STK39: variants seen among roughly 807,000 people sequenced by gnomAD.
The protein encoded by STK39 is STE20/SPS1-related proline-alanine-rich protein kinase.
STK39 carries 20 observed loss-of-function variants against 77.8 expected under a neutral mutation model. That is an observed-to-expected ratio of 0.26 (90% CI 0.18 to 0.37). The LOEUF is 0.37. STK39 is among the 10% of genes least tolerant of loss of function. The pLI, the probability that STK39 is intolerant of heterozygous loss-of-function variation, is 1.00. For missense variants in STK39, 479 were observed against 656.5 expected (o/e 0.73, Z 2.95); for synonymous variants, 246 against 234.1 (o/e 1.05, Z -0.47).
At chr2:168,054,983 T>G (rs1290602649) in intron 14 of STK39, among the ~76,000 whole-genome samples, 1 of 152,346 alleles carries the variant, frequency 6.6e-6, no homozygotes, top group Non-Finnish European at 1.5e-5. Context: ...TCCGCCTACA[T>G]GGTAAGCTCT....
At chr2:168,220,927 G>C (rs1326549653) in intron 1 of STK39, among the ~76,000 whole-genome samples, 1 of 152,084 alleles carries the variant, frequency 6.6e-6, no homozygotes, top group Non-Finnish European at 1.5e-5. Context: ...CCAGTAAAAG[G>C]TGGAAATCTT....
chr2:167,964,508 G>A (rs1017350353), intron 17 of STK39, 154 bp downstream of exon 17: 15 of 664,786 alleles, frequency 2.3e-5, no homozygotes, highest in South Asian at 1.8e-4. Context: ...GTTCCCTAAC[G>A]CTGCAGAGTC....
intron 1 of STK39, 107 bp downstream of exon 1, chr2:168,247,121 T>A: frequency 1.9e-6 from 1 of 514,798 alleles, no homozygotes; most frequent in East Asian, 1.4e-4. Context: ...GAAGCCGGCC[T>A]CTCTGCCTCC....
intron 12 of STK39, among the ~76,000 whole-genome samples, chr2:168,068,963 C>T (rs992089475): frequency 2.6e-5 from 4 of 152,166 alleles, no homozygotes; most frequent in Admixed American, 1.3e-4. Context: ...GTCACCTAGG[C>T]TGGAGTGCAG....
intron 14 of STK39, among the ~76,000 whole-genome samples, chr2:168,034,678 T>C (rs1356176413): frequency 6.6e-6 from 1 of 152,204 alleles, no homozygotes; most frequent in African/African-American, 2.4e-5. Flanking sequence ...ATTGTGGCTC[T>C]CATCATTGCT....
chr2:168,162,954 G>A (rs1688611880), intron 4 of STK39, among the ~76,000 whole-genome samples: 2 of 151,658 alleles, frequency 1.3e-5, no homozygotes, highest in Non-Finnish European at 1.5e-5. Flanking sequence ...TTGAACTCGG[G>A]AGGCAGAGGT....
At position 167,955,570 on chromosome 2, in the gene STK39, C is replaced by T; in HGVS notation, c.1564G>A (p.Ala522Thr). Residue 522 changes from alanine to threonine, a missense_variant and splice_region_variant, in exon 18 of 18, where the codon GCT becomes ACT. Physicochemically the swap from Ala to Thr is moderately conservative, Grantham distance 58. Transcript: ENST00000355999. Reference protein sequence around the residue: ...KALKTLTFKLASGCDGSEIPD... With the variant: ...KALKTLTFKLTSGCDGSEIPD... ...ATCTCCGACCCATCACAGCCAGAAG[C>T]CTGAAAAGGGAAAAAGAAAGCCTCA... 1.9e-6 allele frequency: 3 copies of T among 1,613,234 alleles called. No homozygotes were observed. The highest frequency in any genetic ancestry group is 2.2e-5 in the South Asian group (2 of 90,868).
intron 16 of STK39, among the ~76,000 whole-genome samples, chr2:167,986,751 G>C (rs1035423824): frequency 2.6e-5 from 4 of 152,192 alleles, no homozygotes; most frequent in African/African-American, 4.8e-5. Context: ...TGAGGTGTAG[G>C]TAGCTTCCTA....
In STK39 at chr2:168,129,664, G is replaced by T. The variant is rs189967102; in HGVS notation, c.1023+46C>A. On this transcript the variant is annotated intron_variant, in intron 9 of 17. Coordinates refer to ENST00000355999, the MANE Select transcript of STK39 (RefSeq NM_013233.3). Reference sequence around the variant, plus strand: ...CAAATATGATACACATAAATACACAGTGATTTCAAAAATAGCAGATTTACT... The same window carrying T: ...CAAATATGATACACATAAATACACATTGATTTCAAAAATAGCAGATTTACT... 6.5e-5 allele frequency: 105 copies of T among 1,613,796 alleles called. No individual in the cohort carries two copies. In the African/African-American group the frequency reaches 1.3e-3, roughly 21 times the overall value.
At chr2:168,245,755 G>A (rs1246297800) in intron 1 of STK39, among the ~76,000 whole-genome samples, 11 of 152,132 alleles carry the variant, frequency 7.2e-5, no homozygotes, top group Non-Finnish European at 1.6e-4. Flanking sequence ...AGGTTTCCAT[G>A]GAATATTCCA....
chr2:168,026,630 C>T (rs1191568279), intron 14 of STK39, among the ~76,000 whole-genome samples: 1 of 152,170 alleles, frequency 6.6e-6, no homozygotes, highest in Non-Finnish European at 1.5e-5. Flanking sequence ...TCTCAAACTG[C>T]AGGCAGGGTG....
chr2:168,148,945 C>A, intron 5 of STK39, among the ~76,000 whole-genome samples: 1 of 152,172 alleles, frequency 6.6e-6, no homozygotes, highest in East Asian at 1.9e-4. Flanking sequence ...CTTTGAGCAA[C>A]AGGTCCTCAA....
chr2:167,975,610 T>C (rs1488396777), intron 16 of STK39, among the ~76,000 whole-genome samples: 1 of 152,028 alleles, frequency 6.6e-6, no homozygotes, highest in African/African-American at 2.4e-5. Context: ...GGTCAGGAGA[T>C]CGAGACCATC....
chr2:168,122,582 G>A (rs1363683165), intron 10 of STK39, among the ~76,000 whole-genome samples: 1 of 152,012 alleles, frequency 6.6e-6, no homozygotes, highest in Non-Finnish European at 1.5e-5. Context: ...TGGAAGCACA[G>A]GCACACACCA....
chr2:168,036,402 C>CTTTGTAGGAAA (rs11275218), intron 14 of STK39, among the ~76,000 whole-genome samples: 1 of 152,066 alleles, frequency 6.6e-6, no homozygotes, highest in African/African-American at 2.4e-5. Context: ...AAACAGGTGC[C>CTTTGTAGGAAA]ACATTACTGA....
intron 10 of STK39, among the ~76,000 whole-genome samples, chr2:168,107,029 C>T (rs1686992793): frequency 6.6e-6 from 1 of 152,120 alleles, no homozygotes; most frequent in Non-Finnish European, 1.5e-5. Flanking sequence ...GTGGTTGCTT[C>T]ATGTCACGTA....
At position 168,204,223 on chromosome 2, in the gene STK39, G is replaced by A. The variant is rs569110763; in HGVS notation, c.209-22133C>T. ...TGCTATGCTGGGAACTGCACATAAA[G>A]CGAGGTCACCCTACCTTGCCGCACC... On this transcript the variant is annotated intron_variant, in intron 1 of 17. Transcript: ENST00000355999. 2.0e-5 allele frequency among the ~76,000 whole-genome samples: 3 copies of A among 152,286 alleles called. No homozygotes were observed. The East Asian group carries it at 5.8e-4, about 29-fold the overall frequency.
chr2:168,058,415 T>C (rs1685580044), intron 14 of STK39, among the ~76,000 whole-genome samples: 1 of 152,154 alleles, frequency 6.6e-6, no homozygotes, highest in Non-Finnish European at 1.5e-5. Context: ...ACCAGCCCAC[T>C]TCTCTTCTCT....
chr2:168,068,922 AT>A (rs972943643), intron 12 of STK39, among the ~76,000 whole-genome samples: 13 of 150,544 alleles, frequency 8.6e-5, no homozygotes, highest in Non-Finnish European at 1.6e-4. Flanking sequence ...TCGTAGAAAT[AT>A]TTTTTTTTTC....
Sources: allele counts gnomAD v4.1 joint callset (sites outside exome capture counted in the v4.1 genomes callset), GRCh38; gene constraint gnomAD v4.1.1; transcripts MANE v1.5; gene names NCBI Gene and HGNC (gene_info 2026-07-23, HGNC 2026-07-21).